Variants in CCDC85A observed in about 807,000 individuals in gnomAD.
CCDC85A encodes coiled-coil domain containing 85A.
A neutral mutation model predicts 50.2 loss-of-function variants in CCDC85A; 38 were observed. That is an observed-to-expected ratio of 0.76 (90% CI 0.58 to 0.99). CCDC85A has a LOEUF of 0.99. Ranked by LOEUF, CCDC85A falls within the 50% of genes least tolerant of loss-of-function variation. The probability of loss-of-function intolerance (pLI) is 0.00; values close to 1 mark genes in which losing one functional copy is unlikely to be tolerated. For missense variants in CCDC85A, 820 were observed against 742.0 expected (o/e 1.11, Z -1.22); for synonymous variants, 366 against 301.4 (o/e 1.21, Z -2.22).
chr2:56,366,720 G>A (rs561707752), intron 3 of CCDC85A, among the ~76,000 whole-genome samples: 4 of 152,066 alleles, frequency 2.6e-5, no homozygotes, highest in Non-Finnish European at 5.9e-5. Context: ...TAGTGCTAAC[G>A]TGGTAGGAGC....
At chr2:56,379,726 G>A (rs1231703563) in intron 5 of CCDC85A, 1 of 861,746 alleles carries the variant, frequency 1.2e-6, no homozygotes, top group African/African-American at 1.8e-5. Flanking sequence ...TGTGAAATTT[G>A]CTTTTCTTTT....
chr2:56,352,695 C>G (rs577950239), intron 3 of CCDC85A, among the ~76,000 whole-genome samples: 7 of 152,254 alleles, frequency 4.6e-5, no homozygotes, highest in African/African-American at 1.7e-4. Context: ...GAAAAATAAG[C>G]AAAACATAAC....
intron 5 of CCDC85A, chr2:56,383,703 A>G: frequency 1.0e-6 from 1 of 985,126 alleles, no homozygotes; most frequent in Non-Finnish European, 1.2e-6. Context: ...GAAATTTACT[A>G]GTGGCCCTAA....
intron 2 of CCDC85A, among the ~76,000 whole-genome samples, chr2:56,266,778 G>A (rs1357479554): frequency 6.6e-6 from 1 of 152,032 alleles, no homozygotes; most frequent in Non-Finnish European, 1.5e-5. Flanking sequence ...GGCGTCTATT[G>A]TTGCCTACTT....
intron 2 of CCDC85A, among the ~76,000 whole-genome samples, chr2:56,315,781 A>T (rs1284400663): frequency 6.6e-6 from 1 of 152,142 alleles, no homozygotes; most frequent in African/African-American, 2.4e-5. Flanking sequence ...ATGAATGCAC[A>T]CAAGCAACTC....
chr2:56,305,000 G>T (rs532725776), intron 2 of CCDC85A, among the ~76,000 whole-genome samples: 1 of 151,784 alleles, frequency 6.6e-6, no homozygotes, highest in East Asian at 1.9e-4. Context: ...CTATTCAGGA[G>T]GCTGAGAGAA....
In CCDC85A at chr2:56,193,239, A is replaced by G. The variant is rs764116014; in HGVS notation, c.1039A>G (p.Ser347Gly). The change falls in exon 2 of 6, where the codon AGC (serine) becomes GGC (glycine). Residue 347 changes from serine to glycine, a missense_variant. By Grantham distance (56) the Ser-to-Gly change is moderately conservative. Transcript: ENST00000407595. ...TCTTCAGAAACACGCTCTTGGGGGG[A>G]GCCTAGAGCATCTCCCCAGAGCCAG... ...EHLQKHALGGSLEHLPRARGT... is the reference protein window; with the variant it reads ...EHLQKHALGGGLEHLPRARGT... The G allele has an allele frequency of 4.3e-6, 7 of 1,611,940 alleles. No homozygotes were observed. The Admixed American group carries it at 1.2e-4, about 27-fold the overall frequency.
intron 2 of CCDC85A, among the ~76,000 whole-genome samples, chr2:56,245,351 C>G (rs1669454198): frequency 6.6e-6 from 1 of 152,244 alleles, no homozygotes; most frequent in Non-Finnish European, 1.5e-5. Flanking sequence ...ATTCCAAAAT[C>G]CTGCAGTTGC....
Position 56,184,844 on chromosome 2 carries a change from A to G in CCDC85A, c.220A>G (p.Ile74Val). 1 of 1,540,262 alleles carries G rather than the reference A, an allele frequency of 6.5e-7. No individual in the cohort carries two copies. Among genetic ancestry groups the G allele is most frequent in the Non-Finnish European group, 8.7e-7 (1 of 1,144,490 alleles). Residue 74 changes from isoleucine to valine, a missense_variant, in exon 1 of 6, where the codon ATC (isoleucine) becomes GTC (valine). Ile to Val is a conservative substitution (Grantham distance 29). Transcript: ENST00000407595. ...CGCGATGCTGGACCACAGCAACCTCATCCGCGAGGTGAACCGCCGCCTGCA... is the reference window on the plus strand; with the variant it reads ...CGCGATGCTGGACCACAGCAACCTCGTCCGCGAGGTGAACCGCCGCCTGCA... ...VSAMLDHSNL[I>V]REVNRRLQLH...
intron 3 of CCDC85A, among the ~76,000 whole-genome samples, chr2:56,360,994 C>T (rs1382981410): frequency 1.3e-5 from 2 of 152,222 alleles, no homozygotes; most frequent in African/African-American, 4.8e-5. Flanking sequence ...TGGCTCACGC[C>T]TGTAATCCCA....
intron 2 of CCDC85A, among the ~76,000 whole-genome samples, chr2:56,301,436 A>C (rs1303347321): frequency 2.0e-5 from 3 of 152,150 alleles, no homozygotes; most frequent in Admixed American, 2.0e-4. Context: ...CTCAATCGTA[A>C]TTTTTTGAGG....
intron 2 of CCDC85A, among the ~76,000 whole-genome samples, chr2:56,309,045 G>C (rs1265449966): frequency 2.0e-5 from 3 of 152,150 alleles, no homozygotes; most frequent in African/African-American, 7.2e-5. Context: ...GCTCTCTATA[G>C]AAATAATAGG....
At chr2:56,262,451 T>C (rs1451104941) in intron 2 of CCDC85A, among the ~76,000 whole-genome samples, 2 of 152,188 alleles carry the variant, frequency 1.3e-5, no homozygotes, top group Non-Finnish European at 2.9e-5. Context: ...TTTCCTTGGC[T>C]TCTAAGGGTT....
At chr2:56,249,993 A>G (rs371387765) in intron 2 of CCDC85A, among the ~76,000 whole-genome samples, 2 of 152,168 alleles carry the variant, frequency 1.3e-5, no homozygotes, top group African/African-American at 4.8e-5. Context: ...GGATCTTGAA[A>G]TGGTAAATGT....
At chr2:56,247,680 C>A (rs1669573146) in intron 2 of CCDC85A, among the ~76,000 whole-genome samples, 2 of 152,100 alleles carry the variant, frequency 1.3e-5, no homozygotes, top group African/African-American at 4.8e-5. Context: ...ATGGAAAAGA[C>A]TAGGCCATGA....
intron 2 of CCDC85A, among the ~76,000 whole-genome samples, chr2:56,209,376 T>G (rs1379442815): frequency 6.6e-6 from 1 of 150,566 alleles, no homozygotes; most frequent in African/African-American, 2.4e-5. Flanking sequence ...TAGGCCTGGA[T>G]GATATTTGGG....
intron 2 of CCDC85A, among the ~76,000 whole-genome samples, chr2:56,332,120 G>A (rs1225387587): frequency 6.6e-6 from 1 of 152,232 alleles, no homozygotes; most frequent in African/African-American, 2.4e-5. Context: ...CTTCCTTCCA[G>A]TGGGCATATG....
chr2:56,334,105 T>A (rs1673959120), intron 2 of CCDC85A, among the ~76,000 whole-genome samples: 2 of 152,250 alleles, frequency 1.3e-5, no homozygotes, highest in African/African-American at 4.8e-5. Context: ...AGTAGCTGTC[T>A]TCCCCAAATC....
intron 2 of CCDC85A, among the ~76,000 whole-genome samples, chr2:56,202,019 C>T (rs1417119418): frequency 1.3e-5 from 2 of 152,250 alleles, no homozygotes; most frequent in East Asian, 3.9e-4. Context: ...CTAAAGAAGA[C>T]ATTTATTCTT....
Sources: gnomAD v4.1 joint callset for allele counts (sites outside exome capture counted in the v4.1 genomes callset) on GRCh38, gnomAD v4.1.1 for gene constraint, MANE v1.5 for transcripts, NCBI Gene and HGNC (gene_info 2026-07-23, HGNC 2026-07-21) for gene names.